Variants in CNTNAP2 observed in about 807,000 individuals in gnomAD.
CNTNAP2 encodes the protein contactin associated protein 2.
In CNTNAP2, 98 loss-of-function variants were observed where a neutral mutation model predicts 155.2. The observed-to-expected ratio is 0.63, with a 90% CI of 0.54 to 0.75. The LOEUF is 0.75. Among genes scored for constraint, CNTNAP2 ranks in the 30% least tolerant of loss-of-function variants. The pLI is 0.00. For missense variants in CNTNAP2, 1,727 were observed against 1,688.1 expected (o/e 1.02, Z -0.40); for synonymous variants, 651 against 631.2 (o/e 1.03, Z -0.47).
At chr7:146,739,072 T>TA (rs980857405) in intron 1 of CNTNAP2, among the ~76,000 whole-genome samples, 8 of 151,900 alleles carry the variant, frequency 5.3e-5, no homozygotes, top group African/African-American at 1.4e-4. Flanking sequence ...TTTATCTTTC[T>TA]AAAAAAATCA....
At chr7:147,448,425 G>A (rs1797777661) in intron 10 of CNTNAP2, among the ~76,000 whole-genome samples, 1 of 151,100 alleles carries the variant, frequency 6.6e-6, no homozygotes, top group South Asian at 2.1e-4. Context: ...CTTTAGAGTT[G>A]GGTGCTACAT....
intron 14 of CNTNAP2, among the ~76,000 whole-genome samples, chr7:147,964,455 T>C (rs1376971217): frequency 2.0e-5 from 3 of 152,192 alleles, no homozygotes; most frequent in African/African-American, 7.2e-5. Flanking sequence ...TTTCCTATTT[T>C]CAGATTATTT....
chr7:146,298,663 C>T (rs142493986), intron 1 of CNTNAP2, among the ~76,000 whole-genome samples: 93 of 152,294 alleles, frequency 6.1e-4, no homozygotes, highest in Non-Finnish European at 1.1e-3. Context: ...TGCCTCTGAA[C>T]GTTCGATCCA....
intron 4 of CNTNAP2, among the ~76,000 whole-genome samples, chr7:147,090,564 A>G (rs1472664162): frequency 6.6e-6 from 1 of 152,186 alleles, no homozygotes; most frequent in Non-Finnish European, 1.5e-5. Flanking sequence ...TTAATGTTCT[A>G]GAATTAAAAT....
At chr7:147,267,378 T>A (rs1804636732) in intron 8 of CNTNAP2, among the ~76,000 whole-genome samples, 2 of 152,174 alleles carry the variant, frequency 1.3e-5, no homozygotes, top group Non-Finnish European at 2.9e-5. Context: ...TGGCAATGAG[T>A]GATACTCAAC....
intron 1 of CNTNAP2, among the ~76,000 whole-genome samples, chr7:146,387,784 TC>T (rs1442582897): frequency 1.3e-5 from 2 of 152,134 alleles, no homozygotes; most frequent in Non-Finnish European, 2.9e-5. Context: ...GGCAGGAGCC[TC>T]CACCAGCTTC....
At chr7:147,270,419 A>G (rs760058814) in intron 8 of CNTNAP2, among the ~76,000 whole-genome samples, 1 of 152,250 alleles carries the variant, frequency 6.6e-6, no homozygotes, top group Non-Finnish European at 1.5e-5. Flanking sequence ...TATTGGGTAA[A>G]ATAGATACGA....
In CNTNAP2 at chr7:148,336,249, A is replaced by G. The variant is rs115681059; in HGVS notation, c.3476-47400A>G. On this transcript the variant is annotated intron_variant, in intron 21 of 23. Coordinates refer to ENST00000361727, the MANE Select transcript of CNTNAP2 (RefSeq NM_014141.6). ...TAAATATAATTTTATGCAAGATAGCACCTTAATTCTAGTCCTTATTTAATA... is the reference window on the plus strand; with the variant it reads ...TAAATATAATTTTATGCAAGATAGCGCCTTAATTCTAGTCCTTATTTAATA... Among the ~76,000 whole-genome samples, 1,418 of 152,334 alleles carry G rather than the reference A, an allele frequency of 9.3e-3. 21 individuals carry two copies. The highest frequency in any genetic ancestry group is 0.032 in the African/African-American group (1,336 of 41,568).
intron 13 of CNTNAP2, among the ~76,000 whole-genome samples, chr7:147,717,653 C>T (rs1563063711): frequency 6.6e-6 from 1 of 152,064 alleles, no homozygotes; most frequent in Admixed American, 6.6e-5. Flanking sequence ...TCCAGGGTCT[C>T]ACTGGAGAGT....
chr7:147,304,719 G>A (rs932218042), intron 9 of CNTNAP2, among the ~76,000 whole-genome samples: 1 of 152,136 alleles, frequency 6.6e-6, no homozygotes, highest in African/African-American at 2.4e-5. Flanking sequence ...TGTTAATGAA[G>A]TTTAATAAGA....
chr7:146,806,610 C>T (rs762146927), intron 2 of CNTNAP2, among the ~76,000 whole-genome samples: 4 of 152,094 alleles, frequency 2.6e-5, no homozygotes, highest in Non-Finnish European at 4.4e-5. Flanking sequence ...TTATCAAATA[C>T]CTGTAGAGCA....
chr7:147,657,874 T>G (rs1795548417), intron 13 of CNTNAP2, among the ~76,000 whole-genome samples: 1 of 152,204 alleles, frequency 6.6e-6, no homozygotes, highest in Non-Finnish European at 1.5e-5. Flanking sequence ...GTTTAGAAGT[T>G]TCACTGAAAG....
At chr7:146,721,037 ATATT>A (rs1348629098) in intron 1 of CNTNAP2, among the ~76,000 whole-genome samples, 1 of 135,140 alleles carries the variant, frequency 7.4e-6, no homozygotes, top group East Asian at 2.2e-4. Flanking sequence ...TATACTCTAT[ATATT>A]CTATATATAT....
At chr7:148,156,507 A>G (rs1023923272) in intron 17 of CNTNAP2, among the ~76,000 whole-genome samples, 1 of 152,040 alleles carries the variant, frequency 6.6e-6, no homozygotes, top group Non-Finnish European at 1.5e-5. Context: ...TTGCAGTGTC[A>G]CAGAGCCTTC....
intron 13 of CNTNAP2, among the ~76,000 whole-genome samples, chr7:147,817,434 G>A (rs1798284141): frequency 6.6e-6 from 1 of 152,136 alleles, no homozygotes; most frequent in African/African-American, 2.4e-5. Context: ...TTTTAGGTAT[G>A]ATGTTACATG....
At chr7:146,677,528 G>A (rs929285877) in intron 1 of CNTNAP2, among the ~76,000 whole-genome samples, 2 of 152,062 alleles carry the variant, frequency 1.3e-5, no homozygotes, top group African/African-American at 2.4e-5. Context: ...AGATGACTGG[G>A]GGCCTTAGAA....
At chr7:147,731,913 T>G (rs1477403830) in intron 13 of CNTNAP2, among the ~76,000 whole-genome samples, 1 of 152,114 alleles carries the variant, frequency 6.6e-6, no homozygotes, top group Non-Finnish European at 1.5e-5. Flanking sequence ...GCAGATGTGG[T>G]AGAAATAACA....
intron 1 of CNTNAP2, among the ~76,000 whole-genome samples, chr7:146,168,789 A>G (rs1340032968): frequency 3.3e-5 from 5 of 152,184 alleles, no homozygotes; most frequent in African/African-American, 1.2e-4. Flanking sequence ...ACTATTTTCA[A>G]TGTGGCAACC....
At chr7:146,739,687 G>A (rs1801679403) in intron 1 of CNTNAP2, among the ~76,000 whole-genome samples, 1 of 151,964 alleles carries the variant, frequency 6.6e-6, no homozygotes, top group Non-Finnish European at 1.5e-5. Context: ...TAGTTCAAGT[G>A]TAAGTTTCTT....
Sources: gnomAD v4.1 joint callset for allele counts (sites outside exome capture counted in the v4.1 genomes callset) on GRCh38, gnomAD v4.1.1 for gene constraint, MANE v1.5 for transcripts, NCBI Gene and HGNC (gene_info 2026-07-23, HGNC 2026-07-21) for gene names.